Variants in UBASH3A observed in about 807,000 individuals in gnomAD.
UBASH3A encodes ubiquitin-associated and SH3 domain-containing protein A.
Under a neutral mutation model 73.5 loss-of-function variants are expected in UBASH3A, and 63 were observed. The observed-to-expected ratio is 0.86, with a 90% confidence interval of 0.70 to 1.06. UBASH3A has a LOEUF of 1.06. Among genes scored for constraint, UBASH3A ranks in the 50% least tolerant of loss-of-function variants. The pLI, the probability that UBASH3A is intolerant of heterozygous loss-of-function variation, is 0.00. For missense variants in UBASH3A, 860 were observed against 859.0 expected (o/e 1.00, Z -0.02); for synonymous variants, 363 against 351.1 (o/e 1.03, Z -0.38).
intron 1 of UBASH3A, among the ~76,000 whole-genome samples, chr21:42,405,952 TC>T (rs1479871535): frequency 2.3e-5 from 3 of 130,040 alleles, no homozygotes; most frequent in Non-Finnish European, 4.7e-5. Context: ...AGGGGCACGT[TC>T]CGCAGGGTGG....
intron 10 of UBASH3A, among the ~76,000 whole-genome samples, chr21:42,437,246 C>G (rs1477398799): frequency 3.3e-5 from 5 of 152,260 alleles, no homozygotes; most frequent in African/African-American, 7.2e-5. Flanking sequence ...GGCTCACCAA[C>G]TTGTCAGCCC....
intron 8 of UBASH3A, among the ~76,000 whole-genome samples, chr21:42,429,937 T>C (rs190416936): frequency 1.1e-4 from 16 of 152,180 alleles, no homozygotes; most frequent in Non-Finnish European, 2.1e-4. Flanking sequence ...CCATAGTTTA[T>C]GCACCTACCA....
chr21:42,439,859 C>A (rs866043700), intron 11 of UBASH3A, among the ~76,000 whole-genome samples: 21 of 148,270 alleles, frequency 1.4e-4, no homozygotes, highest in African/African-American at 4.2e-4. Context: ...AACACACACA[C>A]CACACACATA....
In UBASH3A at chr21:42,435,667, G is replaced by A. The variant is rs1367851548; in HGVS notation, c.1393+713G>A. On this transcript the variant is annotated intron_variant, in intron 10 of 14. Coordinates refer to ENST00000319294, the MANE Select transcript of UBASH3A (RefSeq NM_018961.4). ...ATAGAGTCATAGAGTTATAGAGTTAGAGTTATGGAGTTATAGAGTTATAGA... is the reference window on the plus strand; with the variant it reads ...ATAGAGTCATAGAGTTATAGAGTTAAAGTTATGGAGTTATAGAGTTATAGA... 2.0e-5 allele frequency among the ~76,000 whole-genome samples: 3 copies of A among 152,102 alleles called. No homozygotes were observed. The East Asian group carries it at 5.8e-4, about 29-fold the overall frequency.
At chr21:42,427,129 A>T (rs577646123) in intron 8 of UBASH3A, among the ~76,000 whole-genome samples, 4 of 152,018 alleles carry the variant, frequency 2.6e-5, no homozygotes, top group Non-Finnish European at 5.9e-5. Context: ...GGTCCCCAAG[A>T]CGTCACCTGC....
intron 11 of UBASH3A, among the ~76,000 whole-genome samples, chr21:42,439,989 A>C (rs1193190672): frequency 6.9e-6 from 1 of 144,000 alleles, no homozygotes; most frequent in Non-Finnish European, 1.5e-5. Flanking sequence ...CACACCCCAC[A>C]CACACCCACA....
chr21:42,408,389 C>T (rs2018059704), intron 2 of UBASH3A, among the ~76,000 whole-genome samples: 1 of 152,184 alleles, frequency 6.6e-6, no homozygotes, highest in Non-Finnish European at 1.5e-5. Context: ...TTCTAACTTT[C>T]TTCTAAATAG....
At position 42,442,574 on chromosome 21, in the gene UBASH3A, T is replaced by G. The variant is rs1326803554; in HGVS notation, c.1609T>G (p.Phe537Val). Residue 537 changes from phenylalanine to valine, a missense_variant, in exon 12 of 15, where the codon TTC becomes GTC. Physicochemically the swap from Phe to Val is conservative, Grantham distance 50. Transcript: ENST00000319294. The part of the protein sequence containing the change: ...MSLEELKEAN[F>V]NIDTDYRPAF... ...CCTGGAAGAGCTGAAAGAGGCAAAT[T>G]TCAACATTGACACTGATTACAGGTA... The G allele has an allele frequency of 6.2e-7, 1 of 1,613,734 alleles. No individual in the cohort carries two copies. Among genetic ancestry groups the G allele is most frequent in the Non-Finnish European group, 8.5e-7 (1 of 1,179,942 alleles).
intron 2 of UBASH3A, among the ~76,000 whole-genome samples, chr21:42,407,204 G>A (rs1410094078): frequency 6.6e-6 from 1 of 152,126 alleles, no homozygotes; most frequent in Middle Eastern, 3.2e-3. Flanking sequence ...TGTGCTGTGG[G>A]GAGTCCTTCA....
At chr21:42,426,430 G>C (rs1436532850) in intron 7 of UBASH3A, among the ~76,000 whole-genome samples, 1 of 152,148 alleles carries the variant, frequency 6.6e-6, no homozygotes, top group Non-Finnish European at 1.5e-5. Flanking sequence ...AATAACATTT[G>C]ACCCAATACC....
chr21:42,436,186 TATAGAGTTATAGAGCTATAGAGTC>T lies in UBASH3A; in HGVS notation c.1393+1246_1394-1265del. ...AGAGTCATAGAGTTATAGAGTTAGTTATAGAGTTATAGAGCTATAGAGTCATAGAGTTATAGAATTAGAGTTATA... is the reference window on the plus strand; with the variant it reads ...AGAGTCATAGAGTTATAGAGTTAGTTATAGAGTTATAGAATTAGAGTTATA... On this transcript the variant is annotated intron_variant, in intron 10 of 14. Coordinates refer to ENST00000319294, the MANE Select transcript of UBASH3A (RefSeq NM_018961.4). Among the ~76,000 whole-genome samples, 3 of 151,794 alleles carry T rather than the reference TATAGAGTTATAGAGCTATAGAGTC, an allele frequency of 2.0e-5. No individual in the cohort carries two copies. The East Asian group carries it at 5.8e-4, about 29-fold the overall frequency.
intron 3 of UBASH3A, chr21:42,410,340 C>A (rs992267902): frequency 1.7e-6 from 1 of 591,216 alleles, no homozygotes; most frequent in Admixed American, 3.0e-5. Context: ...CGCGGCCTGG[C>A]CCCAACTCTG....
chr21:42,437,403 C>G, intron 10 of UBASH3A, 85 bp from the exon 11 acceptor site: 1 of 1,283,112 alleles, frequency 7.8e-7, no homozygotes, highest in East Asian at 2.3e-5. Context: ...GAGGACCCTG[C>G]CTACCACAGG....
chr21:42,433,280 A>G (rs2053568012), intron 9 of UBASH3A, among the ~76,000 whole-genome samples: 1 of 152,302 alleles, frequency 6.6e-6, no homozygotes, highest in South Asian at 2.1e-4. Flanking sequence ...TGTATATTGC[A>G]GGGTTTAATA....
intron 7 of UBASH3A, among the ~76,000 whole-genome samples, chr21:42,421,541 T>C (rs2053338574): frequency 6.6e-6 from 1 of 152,250 alleles, no homozygotes; most frequent in South Asian, 2.1e-4. Context: ...AACACAGATG[T>C]ATCAGCATCT....
chr21:42,411,752 T>A (rs2053102320), intron 3 of UBASH3A, among the ~76,000 whole-genome samples: 1 of 152,238 alleles, frequency 6.6e-6, no homozygotes. Context: ...ATGAAAACAC[T>A]AATCTTCCGA....
At chr21:42,444,092 G>A (rs1209324347) in intron 13 of UBASH3A, among the ~76,000 whole-genome samples, 1 of 152,228 alleles carries the variant, frequency 6.6e-6, no homozygotes, top group African/African-American at 2.4e-5. Flanking sequence ...AGGGACAAGC[G>A]TGTCTCCTGA....
chr21:42,444,971 T>G (rs1210438621), intron 14 of UBASH3A, among the ~76,000 whole-genome samples: 2 of 152,156 alleles, frequency 1.3e-5, no homozygotes, highest in African/African-American at 2.4e-5. Context: ...AAGAAACGAC[T>G]GTGGGACTCG....
At chr21:42,437,075 G>A (rs930395093) in intron 10 of UBASH3A, among the ~76,000 whole-genome samples, 1 of 152,222 alleles carries the variant, frequency 6.6e-6, no homozygotes, top group Non-Finnish European at 1.5e-5. Context: ...CTGTTAGCTG[G>A]GGGCTGCTCC....
Sources: allele counts gnomAD v4.1 joint callset (sites outside exome capture counted in the v4.1 genomes callset), GRCh38; gene constraint gnomAD v4.1.1; transcripts MANE v1.5; gene names NCBI Gene and HGNC (gene_info 2026-07-23, HGNC 2026-07-21).